SCFD2: variants seen among roughly 807,000 people sequenced by gnomAD.
SCFD2 encodes the protein sec1 family domain-containing protein 2.
A neutral mutation model predicts 58.9 loss-of-function variants in SCFD2; 54 were observed. The observed-to-expected ratio is 0.92, with a 90% CI of 0.74 to 1.15. SCFD2 has a LOEUF of 1.15. Ranked by LOEUF, SCFD2 falls within the 50% of genes most tolerant of loss-of-function variation. SCFD2 has a pLI of 0.00. For missense variants in SCFD2, 805 were observed against 836.6 expected (o/e 0.96, Z 0.47); for synonymous variants, 321 against 335.9 (o/e 0.96, Z 0.49).
At chr4:53,281,322 C>A (rs774078038) in intron 3 of SCFD2, among the ~76,000 whole-genome samples, 18 of 152,142 alleles carry the variant, frequency 1.2e-4, no homozygotes, top group Non-Finnish European at 1.9e-4. Flanking sequence ...TGAATGGGCT[C>A]CTGCTGATAC....
chr4:53,196,819 T>C (rs975813069), intron 4 of SCFD2, among the ~76,000 whole-genome samples: 1 of 151,562 alleles, frequency 6.6e-6, no homozygotes, highest in South Asian at 2.1e-4. Flanking sequence ...CTTGTTCACA[T>C]AAATTTATAG....
intron 4 of SCFD2, among the ~76,000 whole-genome samples, chr4:53,208,247 G>A (rs1728499240): frequency 6.6e-6 from 1 of 151,888 alleles, no homozygotes; most frequent in African/African-American, 2.4e-5. Context: ...TCCTGGGCCA[G>A]ACACGAGCCA....
At chr4:53,198,024 A>C (rs1452139612) in intron 4 of SCFD2, among the ~76,000 whole-genome samples, 2 of 152,124 alleles carry the variant, frequency 1.3e-5, no homozygotes, top group Non-Finnish European at 2.9e-5. Flanking sequence ...ATGACTTAAC[A>C]AAATTCTGGG....
At chr4:52,894,988 A>G (rs1718966553) in intron 7 of SCFD2, among the ~76,000 whole-genome samples, 1 of 152,202 alleles carries the variant, frequency 6.6e-6, no homozygotes, top group Non-Finnish European at 1.5e-5. Context: ...TTCTGGGCTC[A>G]CTTATTTTGA....
At chr4:53,205,160 G>T (rs1332940277) in intron 4 of SCFD2, among the ~76,000 whole-genome samples, 1 of 152,110 alleles carries the variant, frequency 6.6e-6, no homozygotes, top group Non-Finnish European at 1.5e-5. Flanking sequence ...TCTGCAGAAT[G>T]ACAGTGAAAA....
chr4:52,898,024 C>T (rs185382029), intron 7 of SCFD2, among the ~76,000 whole-genome samples: 34 of 152,086 alleles, frequency 2.2e-4, no homozygotes, highest in Middle Eastern at 3.4e-3. Context: ...TTTGTTATTG[C>T]GTCTATTTGA....
intron 4 of SCFD2, among the ~76,000 whole-genome samples, chr4:53,164,459 T>C (rs531179004): frequency 2.1e-4 from 32 of 152,216 alleles, no homozygotes; most frequent in African/African-American, 5.5e-4. Context: ...CTGGCTTCCA[T>C]TGTAGCCACC....
chr4:53,059,446 G>A (rs940763242), intron 5 of SCFD2, among the ~76,000 whole-genome samples: 4 of 152,210 alleles, frequency 2.6e-5, no homozygotes, highest in Non-Finnish European at 1.5e-5. Context: ...GAGATGTTAC[G>A]TATCCAAGGC....
intron 5 of SCFD2, among the ~76,000 whole-genome samples, chr4:53,044,618 TTCTTC>T: frequency 4.6e-5 from 1 of 21,764 alleles, no homozygotes; most frequent in Non-Finnish European, 8.6e-5. Flanking sequence ...CCTCCCTCCC[TTCTTC>T]CCTCCCTCCC....
chr4:52,913,152 G>C (rs1031742901), intron 6 of SCFD2, among the ~76,000 whole-genome samples: 2 of 152,052 alleles, frequency 1.3e-5, no homozygotes, highest in African/African-American at 4.8e-5. Context: ...TAGGAGATCT[G>C]TGCCCTGCCC....
chr4:53,320,477 C>T (rs1203468656), intron 2 of SCFD2, among the ~76,000 whole-genome samples: 1 of 152,074 alleles, frequency 6.6e-6, no homozygotes. Context: ...ATTAGCTGGG[C>T]ATGGTGGTGC....
At chr4:53,212,761 C>G (rs1728662586) in intron 4 of SCFD2, among the ~76,000 whole-genome samples, 1 of 151,612 alleles carries the variant, frequency 6.6e-6, no homozygotes, top group Admixed American at 6.6e-5. Context: ...CATTTTTTCT[C>G]TTGAGGTGAT....
intron 6 of SCFD2, among the ~76,000 whole-genome samples, chr4:52,916,010 A>G (rs563176682): frequency 2.6e-5 from 4 of 152,374 alleles, no homozygotes; most frequent in African/African-American, 9.6e-5. Flanking sequence ...TCAACATGCC[A>G]GAGGCACAAA....
At chr4:53,029,511 T>C (rs150908637) in intron 5 of SCFD2, among the ~76,000 whole-genome samples, 2 of 152,330 alleles carry the variant, frequency 1.3e-5, no homozygotes, top group African/African-American at 4.8e-5. Flanking sequence ...TTTCTATAAC[T>C]TGAATTTAAC....
At chr4:53,246,041 T>C (rs976646660) in intron 4 of SCFD2, among the ~76,000 whole-genome samples, 41 of 152,214 alleles carry the variant, frequency 2.7e-4, no homozygotes, top group Non-Finnish European at 4.4e-4. Context: ...ATCATTCCTA[T>C]ACACCAACAA....
intron 5 of SCFD2, among the ~76,000 whole-genome samples, chr4:53,006,495 G>T (rs1721973731): frequency 6.6e-6 from 1 of 152,200 alleles, no homozygotes; most frequent in African/African-American, 2.4e-5. Context: ...GAAGCAAACT[G>T]CTTTAAGGGA....
chr4:53,354,379 C>T (rs562001904), intron 1 of SCFD2, among the ~76,000 whole-genome samples: 82 of 152,338 alleles, frequency 5.4e-4, no homozygotes, highest in African/African-American at 1.6e-3. Flanking sequence ...GTGTGGGGCG[C>T]GCCGAGCCCA....
At chr4:53,017,634 C>T (rs917427167) in intron 5 of SCFD2, among the ~76,000 whole-genome samples, 11 of 152,098 alleles carry the variant, frequency 7.2e-5, no homozygotes, top group Non-Finnish European at 1.3e-4. Context: ...AAAATAATGA[C>T]CAATTTGTTG....
At chr4:53,186,934 C>T (rs74926336) in intron 4 of SCFD2, among the ~76,000 whole-genome samples, 2,797 of 151,998 alleles carry the variant, frequency 0.018, 90 homozygotes, top group African/African-American at 0.064. Flanking sequence ...CTCAACACAA[C>T]GCATGACATA....
Sources: allele counts gnomAD v4.1 joint callset (sites outside exome capture counted in the v4.1 genomes callset), GRCh38; gene constraint gnomAD v4.1.1; transcripts MANE v1.5; gene names NCBI Gene and HGNC (gene_info 2026-07-23, HGNC 2026-07-21).